Variants in SLAMF6 observed in about 807,000 individuals in gnomAD.
SLAMF6 encodes NK-T-B-antigen.
A neutral mutation model predicts 38.3 loss-of-function variants in SLAMF6; 21 were observed. The observed-to-expected ratio is 0.55, with a 90% confidence interval of 0.39 to 0.79. The LOEUF is 0.79. Ranked by LOEUF, SLAMF6 falls within the 30% of genes least tolerant of loss-of-function variation. The probability of loss-of-function intolerance (pLI) is 0.00; values close to 1 mark genes in which losing one functional copy is unlikely to be tolerated. For synonymous variants in SLAMF6, 152 were observed against 146.3 expected, an observed-to-expected ratio of 1.04 and a Z score of -0.28; for missense variants, 341 against 385.3, an observed-to-expected ratio of 0.89 and a Z score of 0.96.
chr1:160,494,240 G>A (rs946895263), intron 2 of SLAMF6, among the ~76,000 whole-genome samples: 1 of 152,152 alleles, frequency 6.6e-6, no homozygotes, highest in African/African-American at 2.4e-5. Flanking sequence ...TGAAGGAGAT[G>A]GCACTCTAAA....
chr1:160,523,146 G>T lies in SLAMF6; in HGVS notation c.47C>A (p.Pro16Gln). 1.9e-6 allele frequency: 3 copies of T among 1,613,742 alleles called. No individual in the cohort carries two copies. The highest frequency in any genetic ancestry group is 2.5e-6 in the Non-Finnish European group (3 of 1,179,814). The change falls in exon 1 of 8, where the codon CCA (proline) becomes CAA (glutamine). Residue 16 changes from proline to glutamine, a missense_variant and splice_region_variant. By Grantham distance (76) the Pro-to-Gln change is moderately conservative. Coordinates refer to ENST00000368057, the MANE Select transcript of SLAMF6 (RefSeq NM_001184714.2). Reference sequence around the variant, plus strand: ...CACCGATCTGGATTGACATTTACCTGGGCCAAAGCAGAAGACAAACAGGAG... The same window carrying T: ...CACCGATCTGGATTGACATTTACCTTGGCCAAAGCAGAAGACAAACAGGAG... ...QSLLFVFCFG[P>Q]GNVVSQSSLT...
intron 1 of SLAMF6, among the ~76,000 whole-genome samples, chr1:160,507,593 C>T (rs1419799759): frequency 2.0e-5 from 3 of 152,020 alleles, no homozygotes; most frequent in Non-Finnish European, 4.4e-5. Context: ...TATACATTTT[C>T]CTCAAATGCA....
chr1:160,496,265 T>A lies in SLAMF6; in HGVS notation c.178A>T (p.Thr60Ser). The change falls in exon 2 of 8, where the codon ACA becomes TCA. Residue 60 changes from threonine to serine, a missense_variant. Transcript: ENST00000368057. ...VNFITWLFNE[T>S]SLAFIVPHET... is the part of the protein sequence containing the mutation. ...TGGGGTACTATGAAGGCAAGAGATGTTTCATTGAAAAGCCAAGTGATGAAG... is the reference window on the plus strand; with the variant it reads ...TGGGGTACTATGAAGGCAAGAGATGATTCATTGAAAAGCCAAGTGATGAAG... 6.2e-7 allele frequency: 1 copy of A among 1,613,962 alleles called. No homozygotes were observed. The highest frequency in any genetic ancestry group is 8.5e-7 in the Non-Finnish European group (1 of 1,179,918).
At chr1:160,511,181 A>G (rs573080617) in intron 1 of SLAMF6, among the ~76,000 whole-genome samples, 204 of 152,282 alleles carry the variant, frequency 1.3e-3, no homozygotes, top group African/African-American at 4.6e-3. Context: ...TGCAATCCTT[A>G]TCAAAATGTT....
intron 1 of SLAMF6, among the ~76,000 whole-genome samples, chr1:160,500,641 C>T (rs1455249554): frequency 6.6e-6 from 1 of 152,028 alleles, no homozygotes; most frequent in Non-Finnish European, 1.5e-5. Context: ...TGTTTATTTT[C>T]TCACCTCTCC....
At chr1:160,492,547 G>GA (rs1251774459) in intron 2 of SLAMF6, among the ~76,000 whole-genome samples, 2 of 152,034 alleles carry the variant, frequency 1.3e-5, no homozygotes, top group Non-Finnish European at 2.9e-5. Flanking sequence ...TATTTGGCAT[G>GA]AAAATCACAT....
chr1:160,501,172 G>C (rs1243758997), intron 1 of SLAMF6, among the ~76,000 whole-genome samples: 2 of 152,082 alleles, frequency 1.3e-5, no homozygotes, highest in Admixed American at 1.3e-4. Context: ...TAAAACCTTA[G>C]GAACCATGGC....
intron 2 of SLAMF6, 116 bp from the exon 3 acceptor site, chr1:160,491,504 C>G (rs994923451): frequency 7.1e-7 from 1 of 1,409,812 alleles, no homozygotes; most frequent in Non-Finnish European, 9.5e-7. Context: ...GTGTTATGGT[C>G]TGTAGACTCT....
chr1:160,500,633 T>C (rs1218382868), intron 1 of SLAMF6, among the ~76,000 whole-genome samples: 1 of 152,148 alleles, frequency 6.6e-6, no homozygotes, highest in African/African-American at 2.4e-5. Context: ...TTTGTTTTTG[T>C]TTATTTTCTC....
intron 1 of SLAMF6, among the ~76,000 whole-genome samples, chr1:160,500,815 T>C (rs1057236531): frequency 1.3e-5 from 2 of 152,180 alleles, no homozygotes; most frequent in Non-Finnish European, 2.9e-5. Flanking sequence ...TCTAGAATGT[T>C]AAAGCTCAGT....
chr1:160,521,781 T>G (rs1654996117), intron 1 of SLAMF6, among the ~76,000 whole-genome samples: 1 of 152,190 alleles, frequency 6.6e-6, no homozygotes, highest in South Asian at 2.1e-4. Context: ...CTCCTGTGGC[T>G]GCTCTCCACC....
At position 160,489,179 on chromosome 1, in the gene SLAMF6, A is replaced by G; in HGVS notation, c.797-9T>C. On this transcript the variant is annotated splice_polypyrimidine_tract_variant and intron_variant, in intron 5 of 7. Coordinates refer to ENST00000368057, the MANE Select transcript of SLAMF6 (RefSeq NM_001184714.2). Reference sequence around the variant, plus strand: ...GTTCCTTGCGGACTCTGCTGTTAACATAGGAAGGCACAGTCAATGGCACAA... The same window carrying G: ...GTTCCTTGCGGACTCTGCTGTTAACGTAGGAAGGCACAGTCAATGGCACAA... The G allele has an allele frequency of 6.2e-7, 1 of 1,613,790 alleles. No individual in the cohort carries two copies. The highest frequency in any genetic ancestry group is 8.5e-7 in the Non-Finnish European group (1 of 1,179,752).
intron 2 of SLAMF6, among the ~76,000 whole-genome samples, 189 bp from the exon 3 acceptor site, chr1:160,491,577 C>T (rs750372402): frequency 1.3e-5 from 2 of 152,086 alleles, no homozygotes; most frequent in Admixed American, 6.5e-5. Flanking sequence ...CCAAATGATG[C>T]GGGACATCAG....
chr1:160,520,931 T>A (rs1654957631), intron 1 of SLAMF6, among the ~76,000 whole-genome samples: 1 of 152,224 alleles, frequency 6.6e-6, no homozygotes, highest in Non-Finnish European at 1.5e-5. Context: ...ATCTTCTTCA[T>A]TTGACTTTTC....
rs767536541 is a variant in SLAMF6, at chr1:160,490,198, C to A, written c.796G>T (p.Ala266Ser). 1.9e-6 allele frequency: 3 copies of A among 1,613,600 alleles called. No homozygotes were observed. In the African/African-American group the frequency reaches 4.0e-5, roughly 22 times the overall value. ...GAGAGTTAAGAGTCTGAATGCTCAC[C>A]GGGGCCCTGTGTTCGCTGAGTAGAC... ...SLSTQRTQGP[A>S]ESARNLEYVS... is the part of the protein sequence containing the mutation. Residue 266 changes from alanine to serine, a missense_variant and splice_region_variant, in exon 5 of 8, where the codon GCA (alanine) becomes TCA (serine). Coordinates refer to ENST00000368057, the MANE Select transcript of SLAMF6 (RefSeq NM_001184714.2).
intron 4 of SLAMF6, 28 bp from the exon 5 acceptor site, chr1:160,490,264 T>G (rs771221196): frequency 6.2e-7 from 1 of 1,612,890 alleles, no homozygotes; most frequent in South Asian, 1.1e-5. Flanking sequence ...AAAATTGAAA[T>G]GTGTGACAGC....
At chr1:160,513,374 C>T (rs867694945) in intron 1 of SLAMF6, among the ~76,000 whole-genome samples, 70 of 152,130 alleles carry the variant, frequency 4.6e-4, no homozygotes, top group Admixed American at 1.1e-3. Flanking sequence ...GTAAAGAGAC[C>T]GAACCTACAA....
intron 1 of SLAMF6, among the ~76,000 whole-genome samples, chr1:160,521,946 A>C (rs1363484027): frequency 6.6e-6 from 1 of 152,200 alleles, no homozygotes; most frequent in Non-Finnish European, 1.5e-5. Flanking sequence ...TCCTGCTAAA[A>C]TGTTAACTCC....
chr1:160,515,329 A>C (rs187140041), intron 1 of SLAMF6, among the ~76,000 whole-genome samples: 2 of 152,354 alleles, frequency 1.3e-5, no homozygotes, highest in East Asian at 3.9e-4. Flanking sequence ...TGAATCCCTG[A>C]ATAGACCAAT....
Sources: allele counts gnomAD v4.1 joint callset (sites outside exome capture counted in the v4.1 genomes callset), GRCh38; gene constraint gnomAD v4.1.1; transcripts MANE v1.5; gene names NCBI Gene and HGNC (gene_info 2026-07-23, HGNC 2026-07-21).